Variants in RARS1 observed in about 807,000 individuals in gnomAD.
RARS1 encodes the protein arginyl-tRNA synthetase 1, also known as arginine--tRNA ligase, cytoplasmic.
RARS1 carries 75 observed loss-of-function variants against 78.7 expected under a neutral mutation model. The observed-to-expected ratio is 0.95, with a 90% CI of 0.79 to 1.15. The LOEUF is 1.15. Among genes scored for constraint, RARS1 ranks in the 50% most tolerant of loss-of-function variants. RARS1 has a pLI of 0.00. For missense variants in RARS1, 787 were observed against 787.5 expected (o/e 1.00, Z 0.01); for synonymous variants, 273 against 268.2 (o/e 1.02, Z -0.18).
rs141294475 is a variant in RARS1, at chr5:168,506,724, T to G, written c.1239T>G (p.Ser413=). ...GTAACTTTCCGTTTCTGTTGTAGTC[T>G]GTGCACTTCCAGACAATATTTGCTG... ...MIIYVVDNGQ[S]VHFQTIFAAA... The change falls in exon 11 of 15, where the codon TCT becomes TCG. Residue 413 remains serine, a splice_region_variant and synonymous_variant. Coordinates refer to ENST00000231572, the MANE Select transcript of RARS1 (RefSeq NM_002887.4). 3.2e-5 allele frequency: 52 copies of G among 1,609,582 alleles called. No homozygotes were observed. In the African/African-American group the frequency reaches 6.3e-4, roughly 19 times the overall value.
intron 1 of RARS1, among the ~76,000 whole-genome samples, chr5:168,487,101 G>A (rs1022982062): frequency 1.3e-5 from 2 of 152,122 alleles, no homozygotes; most frequent in African/African-American, 4.8e-5. Flanking sequence ...GGTGGCTCAT[G>A]CCTGTAATCC....
intron 4 of RARS1, 22 bp downstream of exon 4, chr5:168,494,024 C>A: frequency 6.4e-7 from 1 of 1,554,426 alleles, no homozygotes; most frequent in Non-Finnish European, 8.8e-7. Flanking sequence ...TGTTATCCTT[C>A]TTAATAGTTG....
intron 5 of RARS1, 151 bp downstream of exon 5, chr5:168,494,801 C>T: frequency 1.7e-6 from 1 of 587,284 alleles, no homozygotes; most frequent in Non-Finnish European, 3.0e-6. Flanking sequence ...GTGCTGTGAT[C>T]GCACCTGTGA....
intron 1 of RARS1, among the ~76,000 whole-genome samples, chr5:168,486,780 C>T (rs796817926): frequency 2.0e-4 from 31 of 152,240 alleles, no homozygotes; most frequent in African/African-American, 7.0e-4. Context: ...TCCCAGGCCT[C>T]CCCCAAACCA....
At chr5:168,497,670 A>G (rs1336851763) in intron 7 of RARS1, among the ~76,000 whole-genome samples, 1 of 151,108 alleles carries the variant, frequency 6.6e-6, no homozygotes, top group Non-Finnish European at 1.5e-5. Context: ...ACTAATTGAT[A>G]AACATATAAA....
chr5:168,502,234 C>T (rs1358060373), intron 9 of RARS1, 129 bp downstream of exon 9: 1 of 1,302,358 alleles, frequency 7.7e-7, no homozygotes, highest in African/African-American at 1.5e-5. Flanking sequence ...ACTGACCAAC[C>T]TTATTGTATC....
intron 9 of RARS1, 64 bp downstream of exon 9, chr5:168,502,169 A>G (rs1758340323): frequency 6.4e-7 from 1 of 1,550,402 alleles, no homozygotes; most frequent in African/African-American, 1.4e-5. Context: ...AGTGGATAGA[A>G]TTTATAGTAA....
intron 1 of RARS1, among the ~76,000 whole-genome samples, chr5:168,487,369 A>G (rs929888731): frequency 6.6e-6 from 1 of 151,444 alleles, no homozygotes; most frequent in Admixed American, 6.6e-5. Context: ...CCGTCCCCCT[A>G]CAAAAAAAAA....
At chr5:168,519,038 A>C (rs774396879) in intron 14 of RARS1, 43 bp from the exon 15 acceptor site, 1 of 1,529,420 alleles carries the variant, frequency 6.5e-7, no homozygotes, top group Non-Finnish European at 9.0e-7. Flanking sequence ...TGATTTTCAA[A>C]AAGGAAAACA....
Position 168,502,238 on chromosome 5 carries a change from T to C in RARS1, c.1057+133T>C. On this transcript the variant is annotated intron_variant, in intron 9 of 14. Coordinates refer to ENST00000231572, the MANE Select transcript of RARS1 (RefSeq NM_002887.4). ...CAGTTATGGGTACTGACCAACCTTATTGTATCTATACCTTCTTACACTGCT... is the reference window on the plus strand; with the variant it reads ...CAGTTATGGGTACTGACCAACCTTACTGTATCTATACCTTCTTACACTGCT... 4.6e-6 allele frequency: 6 copies of C among 1,295,972 alleles called. No individual in the cohort carries two copies. In the Middle Eastern group the frequency reaches 7.1e-4, roughly 153 times the overall value. The allele number at this position is 1,295,972 out of a possible 1,614,324, so 80.3% of individuals were successfully genotyped here. A position where few individuals can be genotyped will look rare whatever the true frequency, so the allele number is the denominator to read the frequency against.
intron 9 of RARS1, among the ~76,000 whole-genome samples, chr5:168,504,830 A>T (rs1356844969): frequency 6.6e-6 from 1 of 151,892 alleles, no homozygotes; most frequent in Non-Finnish European, 1.5e-5. Flanking sequence ...GTCTCAAAAA[A>T]AAAAAAATTA....
In RARS1 at chr5:168,518,164, G is replaced by A. The variant is rs573407573; in HGVS notation, c.1873+102G>A. On this transcript the variant is annotated intron_variant, in intron 14 of 14. Coordinates refer to ENST00000231572, the MANE Select transcript of RARS1 (RefSeq NM_002887.4). ...GGTGGTGAAATCATAGGTCACTGAA[G>A]CCTCAAACTTCTGGCCTCAAGTGAT... The A allele has an allele frequency of 7.7e-5, 100 of 1,295,922 alleles. 1 individual carries two copies. In the African/African-American group the frequency reaches 1.3e-3, roughly 17 times the overall value. 80.3% of individuals were successfully genotyped at this position (1,295,922 alleles called of 1,614,324 possible). A position where few individuals can be genotyped will look rare whatever the true frequency, so the allele number is the denominator to read the frequency against.
rs1312029395 is a variant in RARS1 at position 168,515,774 on chromosome 5, C to T, written c.1453-1004C>T. Among the ~76,000 whole-genome samples, 3 of 152,228 alleles carry T rather than the reference C, an allele frequency of 2.0e-5. No homozygotes were observed. In the East Asian group the frequency reaches 5.8e-4, roughly 29 times the overall value. On this transcript the variant is annotated intron_variant, in intron 12 of 14. Coordinates refer to ENST00000231572, the MANE Select transcript of RARS1 (RefSeq NM_002887.4). ...TTCCATTTTGCCGCTGCAGAACTGC[C>T]TTGTGTCACACAGCTGCTGAAATCA...
chr5:168,497,460 G>A, intron 7 of RARS1, 112 bp downstream of exon 7: 1 of 863,788 alleles, frequency 1.2e-6, no homozygotes, highest in Non-Finnish European at 1.6e-6. Context: ...TTAAGTGAAA[G>A]TTGCTAACAG....
chr5:168,498,584 A>G (rs1275244667), intron 7 of RARS1, among the ~76,000 whole-genome samples: 2 of 152,226 alleles, frequency 1.3e-5, no homozygotes, highest in Non-Finnish European at 2.9e-5. Flanking sequence ...CAATGTTTAC[A>G]TTAATCCTTT....
chr5:168,493,817 G>T (rs1466383023), intron 3 of RARS1, 77 bp from the exon 4 acceptor site: 6 of 1,115,910 alleles, frequency 5.4e-6, no homozygotes, highest in Admixed American at 3.9e-5. Flanking sequence ...AATGCATCTC[G>T]TGCCTTGTCA....
intron 2 of RARS1, among the ~76,000 whole-genome samples, chr5:168,491,319 T>C (rs890616801): frequency 3.9e-5 from 6 of 152,192 alleles, no homozygotes; most frequent in Non-Finnish European, 8.8e-5. Context: ...GTCATGCCAC[T>C]GCACTTTAGC....
chr5:168,497,027 G>A (rs1195708622), intron 6 of RARS1: 1 of 407,018 alleles, frequency 2.5e-6, no homozygotes, highest in African/African-American at 2.1e-5. Context: ...AGTATGCAGA[G>A]CTGAATGTAA....
rs773433229 is a variant in RARS1, at chr5:168,500,623, A to C, written c.855A>C (p.Glu285Asp). The change falls in exon 8 of 15, where the codon GAA becomes GAC. Residue 285 changes from glutamate (E) to aspartate (D), a missense_variant. Transcript: ENST00000231572. The part of the protein sequence containing the change: ...ESKKRFDTEE[E>D]FKKRAYQCVV... ...AGAAGAGGTTTGATACTGAGGAGGA[A>C]TTTAAGAAGCGAGCATATCAGTGTG... The C allele has an allele frequency of 1.3e-5, 21 of 1,596,364 alleles. No individual in the cohort carries two copies. Among genetic ancestry groups the C allele is most frequent in the Non-Finnish European group, 1.8e-5 (21 of 1,173,738 alleles).
Sources: allele counts gnomAD v4.1 joint callset (sites outside exome capture counted in the v4.1 genomes callset), GRCh38; gene constraint gnomAD v4.1.1; transcripts MANE v1.5; gene names NCBI Gene and HGNC (gene_info 2026-07-23, HGNC 2026-07-21).